GTF2F2: variants seen among roughly 807,000 people sequenced by gnomAD.
GTF2F2 encodes the protein general transcription factor IIF subunit 2, also known as ATP-dependent helicase GTF2F2.
Under a neutral mutation model 42.2 loss-of-function variants are expected in GTF2F2, and 23 were observed. That is an observed-to-expected ratio of 0.55 (90% CI 0.39 to 0.77). The LOEUF is 0.77. GTF2F2 is among the 30% of genes least tolerant of loss of function. GTF2F2 has a pLI of 0.00. For synonymous variants in GTF2F2, 105 were observed against 100.8 expected (o/e 1.04, Z -0.25); for missense variants, 261 against 287.2 (o/e 0.91, Z 0.66).
At chr13:45,144,716 A>G (rs1008800711) in intron 2 of GTF2F2, among the ~76,000 whole-genome samples, 17 of 151,904 alleles carry the variant, frequency 1.1e-4, no homozygotes, top group African/African-American at 3.9e-4. Context: ...GCTTATTTCT[A>G]GCTTTATTTC....
intron 5 of GTF2F2, among the ~76,000 whole-genome samples, chr13:45,252,317 A>C (rs1410591389): frequency 1.3e-5 from 2 of 151,002 alleles, no homozygotes; most frequent in East Asian, 3.9e-4. Flanking sequence ...TTTTTTTCTT[A>C]ATTTTTTGTA....
At chr13:45,204,616 G>T (rs976527408) in intron 4 of GTF2F2, among the ~76,000 whole-genome samples, 8 of 152,182 alleles carry the variant, frequency 5.3e-5, no homozygotes, top group Non-Finnish European at 1.2e-4. Context: ...GTGGTTTAGT[G>T]GAAAGAATAT....
chr13:45,149,656 T>C lies in GTF2F2; in HGVS notation c.141-114T>C, dbSNP rs1046407638. ...AGTCAAGGGTAAATATTGGTTAATC[T>C]CTGTAAATGTAATATTTTATGTAAA... On this transcript the variant is annotated intron_variant, in intron 2 of 7. Coordinates refer to ENST00000340473, the MANE Select transcript of GTF2F2 (RefSeq NM_004128.3). 3 of 1,061,110 alleles carry C rather than the reference T, an allele frequency of 2.8e-6. No individual in the cohort carries two copies. In the African/African-American group the frequency reaches 5.0e-5, roughly 18 times the overall value. The allele number at this position is 1,061,110 out of a possible 1,614,324, so 65.7% of individuals were successfully genotyped here.
At chr13:45,123,575 G>A (rs1868798135) in intron 1 of GTF2F2, among the ~76,000 whole-genome samples, 2 of 151,430 alleles carry the variant, frequency 1.3e-5, no homozygotes, top group South Asian at 4.2e-4. Flanking sequence ...GCTGCAGTGA[G>A]CTGAGATCAC....
chr13:45,218,903 C>A (rs550095903), intron 5 of GTF2F2, among the ~76,000 whole-genome samples: 31 of 152,254 alleles, frequency 2.0e-4, no homozygotes, highest in Non-Finnish European at 3.5e-4. Flanking sequence ...GTGTTACATT[C>A]TATCTGTCTT....
chr13:45,178,249 A>G (rs1276060609), intron 4 of GTF2F2, among the ~76,000 whole-genome samples: 2 of 151,730 alleles, frequency 1.3e-5, no homozygotes, highest in Non-Finnish European at 2.9e-5. Flanking sequence ...TACACTCTGG[A>G]AAATTTATTT....
At chr13:45,144,756 G>A (rs1870110598) in intron 2 of GTF2F2, among the ~76,000 whole-genome samples, 1 of 151,974 alleles carries the variant, frequency 6.6e-6, no homozygotes, top group South Asian at 2.1e-4. Flanking sequence ...GGGTCATGTG[G>A]GGACCCGCTA....
At chr13:45,180,351 C>G (rs560402062) in intron 4 of GTF2F2, among the ~76,000 whole-genome samples, 4 of 152,162 alleles carry the variant, frequency 2.6e-5, no homozygotes, top group African/African-American at 7.2e-5. Context: ...TTTTCAGGTC[C>G]ATTATAGAAT....
chr13:45,173,437 A>G (rs1871697970), intron 4 of GTF2F2, among the ~76,000 whole-genome samples: 1 of 151,566 alleles, frequency 6.6e-6, no homozygotes, highest in Non-Finnish European at 1.5e-5. Flanking sequence ...GTGGTTTCAT[A>G]TACCCATCAC....
intron 5 of GTF2F2, among the ~76,000 whole-genome samples, chr13:45,219,810 G>A (rs894911571): frequency 7.2e-5 from 11 of 152,132 alleles, no homozygotes; most frequent in African/African-American, 2.7e-4. Context: ...TGACTTGAAA[G>A]CCTCAAAATG....
chr13:45,251,766 CA>C (rs1163390454), intron 5 of GTF2F2, among the ~76,000 whole-genome samples: 3 of 151,814 alleles, frequency 2.0e-5, no homozygotes, highest in Admixed American at 2.0e-4. Context: ...AGCTTTTGTC[CA>C]AAAATGCTTA....
intron 4 of GTF2F2, among the ~76,000 whole-genome samples, chr13:45,181,899 T>G (rs1008307159): frequency 6.6e-5 from 10 of 152,124 alleles, no homozygotes; most frequent in African/African-American, 2.4e-4. Flanking sequence ...GATATGGTAT[T>G]GGGGAGAATG....
Position 45,129,773 on chromosome 13 carries a change from C to T in GTF2F2, c.67-6960C>T, listed in dbSNP as rs141724713. On this transcript the variant is annotated intron_variant, in intron 1 of 7. Coordinates refer to ENST00000340473, the MANE Select transcript of GTF2F2 (RefSeq NM_004128.3). ...CGTTCTAATGAGGAGGGAGAATAGACGATAAACAAATACATTTAAAGCAGA... is the reference window on the plus strand; with the variant it reads ...CGTTCTAATGAGGAGGGAGAATAGATGATAAACAAATACATTTAAAGCAGA... 3.5e-4 allele frequency among the ~76,000 whole-genome samples: 53 copies of T among 152,116 alleles called. No homozygotes were observed. In the East Asian group the frequency reaches 8.1e-3, roughly 23 times the overall value.
intron 5 of GTF2F2, among the ~76,000 whole-genome samples, chr13:45,233,924 T>A (rs1874817077): frequency 6.6e-6 from 1 of 151,972 alleles, no homozygotes; most frequent in Non-Finnish European, 1.5e-5. Context: ...AAAACAAAAA[T>A]GAAAAACAAA....
At chr13:45,269,851 G>A (rs1341571113) in intron 7 of GTF2F2, among the ~76,000 whole-genome samples, 1 of 152,010 alleles carries the variant, frequency 6.6e-6, no homozygotes, top group Admixed American at 6.6e-5. Context: ...TTGTTTTTGA[G>A]ATGGAGTTTT....
intron 5 of GTF2F2, among the ~76,000 whole-genome samples, chr13:45,225,500 T>A (rs1203800784): frequency 6.6e-6 from 1 of 151,432 alleles, no homozygotes; most frequent in Non-Finnish European, 1.5e-5. Context: ...GTGCCTATAG[T>A]CCCAGCTACT....
intron 5 of GTF2F2, among the ~76,000 whole-genome samples, chr13:45,250,051 CTTTTTT>C (rs780347641): frequency 1.2e-3 from 126 of 100,886 alleles, no homozygotes; most frequent in African/African-American, 5.2e-3. Context: ...TGCCTTATCT[CTTTTTT>C]TTTTTTTTTT....
intron 4 of GTF2F2, among the ~76,000 whole-genome samples, chr13:45,157,327 A>T (rs1352094461): frequency 1.3e-5 from 2 of 152,234 alleles, no homozygotes; most frequent in African/African-American, 2.4e-5. Flanking sequence ...GTGGCAGATC[A>T]TGAAAAGATT....
At position 45,164,088 on chromosome 13, in the gene GTF2F2, C is replaced by T. The variant is rs551820319; in HGVS notation, c.304+12257C>T. The stretch of plus-strand genomic sequence containing the variant: ...TCCAGCCAGGAGTTCAAGACCAGCC[C>T]GGCCAACTTGGCGAAACCCCGTCTC... On this transcript the variant is annotated intron_variant, in intron 4 of 7. Coordinates refer to ENST00000340473, the MANE Select transcript of GTF2F2 (RefSeq NM_004128.3). Among the ~76,000 whole-genome samples, 185 of 151,940 alleles carry T rather than the reference C, an allele frequency of 1.2e-3. 1 individual carries two copies. The highest frequency in any genetic ancestry group is 3.8e-3 in the African/African-American group (156 of 41,448).
Sources: allele counts gnomAD v4.1 joint callset (sites outside exome capture counted in the v4.1 genomes callset), GRCh38; gene constraint gnomAD v4.1.1; transcripts MANE v1.5; gene names NCBI Gene and HGNC (gene_info 2026-07-23, HGNC 2026-07-21).